TECRL: variants seen among roughly 807,000 people sequenced by gnomAD.
The protein encoded by TECRL is trans-2,3-enoyl-CoA reductase like, also known as trans-2,3-enoyl-CoA reductase-like.
A neutral mutation model predicts 52.8 loss-of-function variants in TECRL; 63 were observed. The observed-to-expected ratio is 1.19, with a 90% confidence interval of 0.97 to 1.47. The LOEUF is 1.47. TECRL is among the 40% of genes most tolerant of loss of function. The pLI is 0.00. For missense variants in TECRL, 482 were observed against 429.6 expected, an observed-to-expected ratio of 1.12 and a Z score of -1.08; for synonymous variants, 164 against 141.9, an observed-to-expected ratio of 1.16 and a Z score of -1.10.
intron 1 of TECRL, among the ~76,000 whole-genome samples, chr4:64,385,866 G>A (rs1028766222): frequency 6.6e-6 from 1 of 152,142 alleles, no homozygotes; most frequent in Non-Finnish European, 1.5e-5. Context: ...GTGAAAATGT[G>A]TACCATTGGG....
At chr4:64,313,638 C>T (rs1316533632) in intron 5 of TECRL, among the ~76,000 whole-genome samples, 2 of 150,338 alleles carry the variant, frequency 1.3e-5, no homozygotes, top group African/African-American at 2.4e-5. Context: ...CCCGCCACCA[C>T]GCCTGGCTAA....
At chr4:64,290,227 C>T (rs551177981) in intron 8 of TECRL, among the ~76,000 whole-genome samples, 48 of 152,280 alleles carry the variant, frequency 3.2e-4, no homozygotes, top group Admixed American at 9.2e-4. Context: ...GTGAGCAGTG[C>T]TGCCACACAA....
intron 1 of TECRL, among the ~76,000 whole-genome samples, chr4:64,386,928 A>G (rs1723213259): frequency 6.6e-6 from 1 of 152,222 alleles, no homozygotes; most frequent in Non-Finnish European, 1.5e-5. Context: ...ATCTACAATG[A>G]CACATCATAA....
At chr4:64,361,305 A>G (rs1721177609) in intron 2 of TECRL, among the ~76,000 whole-genome samples, 1 of 152,168 alleles carries the variant, frequency 6.6e-6, no homozygotes, top group South Asian at 2.1e-4. Flanking sequence ...ACGCATACAC[A>G]GAACACCTAC....
intron 6 of TECRL, among the ~76,000 whole-genome samples, chr4:64,306,848 T>G (rs1318810882): frequency 6.6e-6 from 1 of 152,216 alleles, no homozygotes; most frequent in Non-Finnish European, 1.5e-5. Context: ...TTTTGAGGGA[T>G]GCTCACCAAG....
At chr4:64,293,748 G>A (rs547896891) in intron 8 of TECRL, among the ~76,000 whole-genome samples, 32 of 151,766 alleles carry the variant, frequency 2.1e-4, no homozygotes, top group African/African-American at 7.7e-4. Flanking sequence ...AAACTCACAC[G>A]TCCTAATATA....
At chr4:64,326,538 A>T (rs1250141464) in intron 3 of TECRL, among the ~76,000 whole-genome samples, 1 of 152,142 alleles carries the variant, frequency 6.6e-6, no homozygotes, top group Non-Finnish European at 1.5e-5. Context: ...ACAATTCTTT[A>T]GTACCTCTGC....
intron 6 of TECRL, among the ~76,000 whole-genome samples, chr4:64,308,456 G>A (rs1012384815): frequency 6.6e-6 from 1 of 152,194 alleles, no homozygotes; most frequent in Non-Finnish European, 1.5e-5. Context: ...CCGCAGGCAT[G>A]TGCCGATGCA....
At chr4:64,382,519 T>G (rs1722890745) in intron 1 of TECRL, among the ~76,000 whole-genome samples, 1 of 151,516 alleles carries the variant, frequency 6.6e-6, no homozygotes, top group Non-Finnish European at 1.5e-5. Context: ...TTTAACTAAC[T>G]TAGCTAATCC....
intron 1 of TECRL, among the ~76,000 whole-genome samples, chr4:64,392,437 T>C (rs1723612734): frequency 6.6e-6 from 1 of 151,924 alleles, no homozygotes; most frequent in African/African-American, 2.4e-5. Context: ...CTTCTAATCA[T>C]GACATCGAGC....
chr4:64,302,643 A>G (rs1319948964), intron 7 of TECRL, among the ~76,000 whole-genome samples: 1 of 151,408 alleles, frequency 6.6e-6, no homozygotes, highest in African/African-American at 2.4e-5. Flanking sequence ...GTAAGCATGC[A>G]TAATTTAATG....
intron 2 of TECRL, among the ~76,000 whole-genome samples, chr4:64,344,897 G>C (rs973076796): frequency 5.9e-5 from 9 of 152,196 alleles, no homozygotes; most frequent in Non-Finnish European, 1.3e-4. Flanking sequence ...TTGACTGAGT[G>C]ACATGGAGGT....
intron 1 of TECRL, among the ~76,000 whole-genome samples, chr4:64,386,462 C>T (rs1402218679): frequency 6.6e-6 from 1 of 151,896 alleles, no homozygotes; most frequent in Non-Finnish European, 1.5e-5. Flanking sequence ...TATAGGTGGA[C>T]CCATGCATTT....
Position 64,409,269 on chromosome 4 carries a change from T to C in TECRL, c.83A>G (p.Asp28Gly), listed in dbSNP as rs1724942510. ...SQRATRFILK[D>G]DMRNFHFLSK... Reference sequence around the variant, plus strand: ...CAAAAAGTGAAAATTTCTCATATCATCCTTCAGTATGAACCGTGTAGCTCT... The same window carrying C: ...CAAAAAGTGAAAATTTCTCATATCACCCTTCAGTATGAACCGTGTAGCTCT... The change falls in exon 1 of 12, where the codon GAT becomes GGT. Residue 28 changes from aspartate to glycine, a missense_variant. Transcript: ENST00000381210. 3.7e-6 allele frequency: 6 copies of C among 1,609,172 alleles called. No individual in the cohort carries two copies. Among genetic ancestry groups the C allele is most frequent in the South Asian group, 2.2e-5 (2 of 90,884 alleles).
chr4:64,338,548 A>G (rs1193308903), intron 2 of TECRL, among the ~76,000 whole-genome samples: 1 of 152,230 alleles, frequency 6.6e-6, no homozygotes, highest in Non-Finnish European at 1.5e-5. Context: ...CAAAGGGCTT[A>G]TATCCAGAAT....
At chr4:64,345,669 G>T (rs957215557) in intron 2 of TECRL, among the ~76,000 whole-genome samples, 2 of 151,416 alleles carry the variant, frequency 1.3e-5, no homozygotes, top group Admixed American at 1.3e-4. Context: ...CCTGCATGTT[G>T]TGCACATGTA....
intron 6 of TECRL, among the ~76,000 whole-genome samples, chr4:64,309,621 TA>T (rs1394817554): frequency 2.6e-5 from 4 of 152,148 alleles, no homozygotes; most frequent in African/African-American, 9.7e-5. Flanking sequence ...TAATATGAGG[TA>T]ATGACAAATC....
At chr4:64,370,859 A>C (rs1381758876) in intron 2 of TECRL, among the ~76,000 whole-genome samples, 2 of 151,928 alleles carry the variant, frequency 1.3e-5, no homozygotes, top group African/African-American at 4.8e-5. Flanking sequence ...ATCTAAACTA[A>C]AATATCACAT....
intron 2 of TECRL, among the ~76,000 whole-genome samples, chr4:64,361,283 T>C (rs1414189045): frequency 6.6e-6 from 1 of 152,152 alleles, no homozygotes; most frequent in Non-Finnish European, 1.5e-5. Context: ...ACCTGCCACT[T>C]TAGTGACTTA....
Sources: allele counts gnomAD v4.1 joint callset (sites outside exome capture counted in the v4.1 genomes callset), GRCh38; gene constraint gnomAD v4.1.1; transcripts MANE v1.5; gene names NCBI Gene and HGNC (gene_info 2026-07-23, HGNC 2026-07-21).